Variants in LLCFC1 observed in about 807,000 individuals in gnomAD.
LLCFC1 encodes sperm-egg fusion protein LLCFC1.
A neutral mutation model predicts 9.8 loss-of-function variants in LLCFC1; 14 were observed. That is an observed-to-expected ratio of 1.43 (90% CI 0.95 to 2.24). LLCFC1 has a LOEUF of 2.24. Ranked by LOEUF, LLCFC1 falls within the 30% of genes most tolerant of loss-of-function variation. LLCFC1 has a pLI of 0.00. For missense variants in LLCFC1, 162 were observed against 148.0 expected (o/e 1.09, Z -0.49); for synonymous variants, 70 against 58.8 (o/e 1.19, Z -0.87).
At chr7:142,940,215 CCT>C (rs1202570094) in intron 1 of LLCFC1, 135 bp from the exon 2 acceptor site, 3 of 661,512 alleles carry the variant, frequency 4.5e-6, no homozygotes, top group Non-Finnish European at 7.8e-6. Flanking sequence ...AAGAGCATCC[CCT>C]CTCTGGTGAA....
rs1562954578 is a variant in LLCFC1, at chr7:142,940,405, A to T, written c.187A>T (p.Met63Leu). Residue 63 changes from methionine to leucine, a missense_variant, in exon 2 of 2, where the codon ATG becomes TTG. Met to Leu is a conservative substitution (Grantham distance 15). Transcript: ENST00000409607. Reference protein sequence around the residue: ...EHFVASSVGEMWQVVDMAQQE... With the variant: ...EHFVASSVGELWQVVDMAQQE... ...CTTTGTGGCCTCCTCAGTGGGTGAG[A>T]TGTGGCAGGTGGTGGACATGGCCCA... 5.6e-6 allele frequency: 9 copies of T among 1,614,142 alleles called. No individual in the cohort carries two copies. Among genetic ancestry groups the T allele is most frequent in the Non-Finnish European group, 7.6e-6 (9 of 1,180,014 alleles).
chr7:142,939,823 GGA>G (rs1796299988), intron 1 of LLCFC1, 69 bp downstream of exon 1: 5 of 1,473,236 alleles, frequency 3.4e-6, no homozygotes, highest in Admixed American at 4.1e-5. Context: ...AAAAAAGACG[GGA>G]GAGTCTGGAG....
chr7:142,940,299 T>C, intron 1 of LLCFC1, 53 bp from the exon 2 acceptor site: 2 of 1,454,002 alleles, frequency 1.4e-6, no homozygotes, highest in East Asian at 2.3e-5. Flanking sequence ...ACTTCTCCTT[T>C]CTGGTTCAGG....
Position 142,940,366 on chromosome 7 carries a change from C to G in LLCFC1, c.148C>G (p.Gln50Glu), listed in dbSNP as rs35199358. Reference sequence around the variant, plus strand: ...CCCTGTTCCAGACCAGAATCAAGAACAGTTCGAAGAGCACTTTGTGGCCTC... The same window carrying G: ...CCCTGTTCCAGACCAGAATCAAGAAGAGTTCGAAGAGCACTTTGTGGCCTC... The part of the protein sequence containing the change: ...KTPSADQNQE[Q>E]FEEHFVASSV... The change falls in exon 2 of 2, where the codon CAG becomes GAG. Residue 50 changes from glutamine (Q) to glutamate (E), a missense_variant. Coordinates refer to ENST00000409607, the MANE Select transcript of LLCFC1 (RefSeq NM_001382496.1). 144 of 1,614,062 alleles carry G rather than the reference C, an allele frequency of 8.9e-5. No homozygotes were observed. The African/African-American group carries it at 1.8e-3, about 20-fold the overall frequency.
chr7:142,940,549 T>C lies in LLCFC1; in HGVS notation c.331T>C (p.Phe111Leu). The change falls in exon 2 of 2, where the codon TTC becomes CTC. Residue 111 changes from phenylalanine (F) to leucine (L), a missense_variant. Coordinates refer to ENST00000409607, the MANE Select transcript of LLCFC1 (RefSeq NM_001382496.1). The part of the protein sequence containing the change: ...VFSGGPLRRT[F>L]PNIQLCFMLT... ...CTCAGGAGGGCCATTGAGGCGGACA[T>C]TCCCAAATATCCAACTCTGCTTCAT... 3.1e-6 allele frequency: 5 copies of C among 1,614,172 alleles called. No individual in the cohort carries two copies. The highest frequency in any genetic ancestry group is 4.2e-6 in the Non-Finnish European group (5 of 1,180,038).
Position 142,940,443 on chromosome 7 carries a change from C to A in LLCFC1, c.225C>A (p.Asp75Glu). The stretch of plus-strand genomic sequence containing the variant: ...TGGACATGGCCCAGCAGGAAGAAGA[C>A]CAGTCGTCCAAGACGGCAGCTGTTC... ...QVVDMAQQEE[D>E]QSSKTAAVHK... The change falls in exon 2 of 2, where the codon GAC becomes GAA. Residue 75 changes from aspartate (D) to glutamate (E), a missense_variant. Physicochemically the swap from Asp to Glu is conservative, Grantham distance 45. Coordinates refer to ENST00000409607, the MANE Select transcript of LLCFC1 (RefSeq NM_001382496.1). The A allele has an allele frequency of 6.2e-7, 1 of 1,614,146 alleles. No homozygotes were observed.
chr7:142,939,497 A>G lies in LLCFC1; in HGVS notation c.-125A>G. 3 of 1,490,898 alleles carry G rather than the reference A, an allele frequency of 2.0e-6. No homozygotes were observed. Among genetic ancestry groups the G allele is most frequent in the Non-Finnish European group, 1.8e-6 (2 of 1,112,804 alleles). The allele number at this position is 1,490,898 out of a possible 1,614,324, so 92.4% of individuals were successfully genotyped here. A position where few individuals can be genotyped will look rare whatever the true frequency, so the allele number is the denominator to read the frequency against. On this transcript the variant is annotated 5_prime_UTR_variant, in exon 1 of 2. Coordinates refer to ENST00000409607, the MANE Select transcript of LLCFC1 (RefSeq NM_001382496.1). ...ACATGTGAAGTCAGAGGTCCTATGG[A>G]AGGTGAGGGGAGAAAATGCCCCTGG...
chr7:142,940,438 G>A lies in LLCFC1; in HGVS notation c.220G>A (p.Glu74Lys). 6.2e-7 allele frequency: 1 copy of A among 1,614,072 alleles called. No homozygotes were observed. The highest frequency in any genetic ancestry group is 8.5e-7 in the Non-Finnish European group (1 of 1,180,018). Residue 74 changes from glutamate (E) to lysine (K), a missense_variant, in exon 2 of 2, where the codon GAA becomes AAA. Glu to Lys is a moderately conservative substitution (Grantham distance 56). Coordinates refer to ENST00000409607, the MANE Select transcript of LLCFC1 (RefSeq NM_001382496.1). ...WQVVDMAQQE[E>K]DQSSKTAAVH... ...GGTGGTGGACATGGCCCAGCAGGAAGAAGACCAGTCGTCCAAGACGGCAGC... is the reference window on the plus strand; with the variant it reads ...GGTGGTGGACATGGCCCAGCAGGAAAAAGACCAGTCGTCCAAGACGGCAGC...
At chr7:142,940,113 GTGTGT>G (rs1796307204) in intron 1 of LLCFC1, among the ~76,000 whole-genome samples, 96 of 9,576 alleles carry the variant, frequency 0.01, no homozygotes, top group African/African-American at 0.013. Flanking sequence ...AATGGTGTGT[GTGTGT>G]GTGTGTGTGT....
rs782240164 is a variant in LLCFC1 at position 142,940,106 on chromosome 7, GGTGTGTGTGTGTGTGT to G, written c.134-209_134-194del. Among the ~76,000 whole-genome samples the G allele has an allele frequency of 6.7e-4, 86 of 128,994 alleles. No individual in the cohort carries two copies. In the Middle Eastern group the frequency reaches 0.012, roughly 17 times the overall value. The allele number at this position is 128,994 out of a possible 152,430, so 84.6% of individuals were successfully genotyped here. On this transcript the variant is annotated intron_variant, in intron 1 of 1. Coordinates refer to ENST00000409607, the MANE Select transcript of LLCFC1 (RefSeq NM_001382496.1). ...AGAGGAGGCAGCTAACCTTAGGAAT[GGTGTGTGTGTGTGTGT>G]GTGTGTGTGTGTGTGTGTGTGTGTG...
intron 1 of LLCFC1, 89 bp downstream of exon 1, chr7:142,939,843 G>A: frequency 1.5e-6 from 2 of 1,364,208 alleles, no homozygotes; most frequent in Non-Finnish European, 2.0e-6. Flanking sequence ...GAGGCTCAGG[G>A]TGAGGTCTGT....
At position 142,939,744 on chromosome 7, in the gene LLCFC1, G is replaced by A. The variant is rs201874606; in HGVS notation, c.123G>A (p.Thr41=). 50 of 1,610,588 alleles carry A rather than the reference G, an allele frequency of 3.1e-5. No homozygotes were observed. The East Asian group carries it at 6.7e-4, about 22-fold the overall frequency. The change falls in exon 1 of 2, where the codon ACG becomes ACA. Residue 41 remains threonine (T), a synonymous_variant. Coordinates refer to ENST00000409607, the MANE Select transcript of LLCFC1 (RefSeq NM_001382496.1). ...AAGATGGGAGCCAGACAGAGAAAAC[G>A]CCCTCTGCAGGTAGGTGGAAAAAAA... ...GPKDGSQTEK[T]PSADQNQEQF...
intron 1 of LLCFC1, 130 bp downstream of exon 1, chr7:142,939,884 C>A: frequency 2.3e-6 from 2 of 865,370 alleles, no homozygotes; most frequent in Non-Finnish European, 3.5e-6. Context: ...ACTGATGAGG[C>A]TAGGGTGAGA....
rs542572663 is a variant in LLCFC1, at chr7:142,940,424, T to C, written c.206T>C (p.Met69Thr). Residue 69 changes from methionine (M) to threonine (T), a missense_variant, in exon 2 of 2, where the codon ATG becomes ACG. Met to Thr is a moderately conservative substitution (Grantham distance 81). Coordinates refer to ENST00000409607, the MANE Select transcript of LLCFC1 (RefSeq NM_001382496.1). ...SVGEMWQVVD[M>T]AQQEEDQSSK... is the part of the protein sequence containing the mutation. ...GGTGAGATGTGGCAGGTGGTGGACATGGCCCAGCAGGAAGAAGACCAGTCG... is the reference window on the plus strand; with the variant it reads ...GGTGAGATGTGGCAGGTGGTGGACACGGCCCAGCAGGAAGAAGACCAGTCG... The C allele has an allele frequency of 6.2e-7, 1 of 1,614,172 alleles. No homozygotes were observed. Among genetic ancestry groups the C allele is most frequent in the South Asian group, 1.1e-5 (1 of 91,084 alleles).
In LLCFC1 at chr7:142,940,456, A is replaced by G; in HGVS notation, c.238A>G (p.Thr80Ala). ...GCAGGAAGAAGACCAGTCGTCCAAG[A>G]CGGCAGCTGTTCACAAGCACTCTTT... ...AQQEEDQSSK[T>A]AAVHKHSFHL... The change falls in exon 2 of 2, where the codon ACG becomes GCG. Residue 80 changes from threonine to alanine, a missense_variant. Thr to Ala is a moderately conservative substitution (Grantham distance 58). Transcript: ENST00000409607. The G allele has an allele frequency of 6.2e-7, 1 of 1,613,870 alleles. No homozygotes were observed. Among genetic ancestry groups the G allele is most frequent in the Non-Finnish European group, 8.5e-7 (1 of 1,179,960 alleles).
Position 142,940,380 on chromosome 7 carries a change from C to A in LLCFC1, c.162C>A (p.His54Gln). The change falls in exon 2 of 2, where the codon CAC (histidine) becomes CAA (glutamine). Residue 54 changes from histidine (H) to glutamine (Q), a missense_variant. By Grantham distance (24) the His-to-Gln change is conservative (BLOSUM62 0). Transcript: ENST00000409607. ...AGAATCAAGAACAGTTCGAAGAGCA[C>A]TTTGTGGCCTCCTCAGTGGGTGAGA... ...ADQNQEQFEE[H>Q]FVASSVGEMW... The A allele has an allele frequency of 6.2e-7, 1 of 1,614,186 alleles. No individual in the cohort carries two copies. The highest frequency in any genetic ancestry group is 8.5e-7 in the Non-Finnish European group (1 of 1,180,030).
In LLCFC1 at chr7:142,940,374, A is replaced by C; in HGVS notation, c.156A>C (p.Glu52Asp). 6.2e-7 allele frequency: 1 copy of C among 1,614,114 alleles called. No individual in the cohort carries two copies. Among genetic ancestry groups the C allele is most frequent in the Non-Finnish European group, 8.5e-7 (1 of 1,180,000 alleles). Residue 52 changes from glutamate (E) to aspartate (D), a missense_variant, in exon 2 of 2, where the codon GAA becomes GAC. By Grantham distance (45) the Glu-to-Asp change is conservative. Transcript: ENST00000409607. ...PSADQNQEQF[E>D]EHFVASSVGE... ...CAGACCAGAATCAAGAACAGTTCGAAGAGCACTTTGTGGCCTCCTCAGTGG... is the reference window on the plus strand; with the variant it reads ...CAGACCAGAATCAAGAACAGTTCGACGAGCACTTTGTGGCCTCCTCAGTGG...
At position 142,940,466 on chromosome 7, in the gene LLCFC1, T is replaced by C; in HGVS notation, c.248T>C (p.Val83Ala). 1.2e-6 allele frequency: 2 copies of C among 1,614,094 alleles called. No individual in the cohort carries two copies. The highest frequency in any genetic ancestry group is 4.5e-5 in the East Asian group (2 of 44,858). Residue 83 changes from valine to alanine, a missense_variant, in exon 2 of 2, where the codon GTT becomes GCT. By Grantham distance (64) the Val-to-Ala change is moderately conservative (BLOSUM62 0). Coordinates refer to ENST00000409607, the MANE Select transcript of LLCFC1 (RefSeq NM_001382496.1). ...GACCAGTCGTCCAAGACGGCAGCTG[T>C]TCACAAGCACTCTTTCCACCTCAGC... ...EEDQSSKTAA[V>A]HKHSFHLSFC...
intron 1 of LLCFC1, among the ~76,000 whole-genome samples, 199 bp from the exon 2 acceptor site, chr7:142,940,153 G>A (rs1285788829): frequency 1.6e-5 from 2 of 124,176 alleles, no homozygotes; most frequent in African/African-American, 2.9e-5. Flanking sequence ...GTGTGTGTGT[G>A]TGTGTTTGAG....
Sources: gnomAD v4.1 joint callset for allele counts (sites outside exome capture counted in the v4.1 genomes callset) on GRCh38, gnomAD v4.1.1 for gene constraint, MANE v1.5 for transcripts, NCBI Gene and HGNC (gene_info 2026-07-23, HGNC 2026-07-21) for gene names.